PCM1: variants seen among roughly 807,000 people sequenced by gnomAD.
PCM1 encodes the protein pericentriolar material 1.
A neutral mutation model predicts 241.9 loss-of-function variants in PCM1; 157 were observed. That is an observed-to-expected ratio of 0.65 (90% CI 0.57 to 0.74). The LOEUF is 0.74. Ranked by LOEUF, PCM1 falls within the 30% of genes least tolerant of loss-of-function variation. PCM1 has a pLI of 0.00. For missense variants in PCM1, 3,478 were observed against 2,360.1 expected, an observed-to-expected ratio of 1.47 and a Z score of -9.81; for synonymous variants, 1,085 against 784.9, an observed-to-expected ratio of 1.38 and a Z score of -6.39.
At chr8:17,997,609 C>G (rs997243902) in intron 29 of PCM1, among the ~76,000 whole-genome samples, 2 of 152,050 alleles carry the variant, frequency 1.3e-5, no homozygotes, top group African/African-American at 4.8e-5. Context: ...TTAGCTTGAT[C>G]AATTCTATTG....
rs780837586 is a variant in PCM1 at position 17,957,342 on chromosome 8, G to C, written c.1725G>C (p.Gly575=). Residue 575 remains glycine, a synonymous_variant, in exon 12 of 39, where the codon GGG becomes GGC. Coordinates refer to ENST00000325083, the MANE Select transcript of PCM1 (RefSeq NM_006197.4). ...NAQCVSNNRD[G]RTVNSNCEIN... is the part of the protein sequence containing the mutation. ...AGTGTGTTTCTAATAATAGAGATGG[G>C]CGAACAGTTAATTCTAATTGTGAAA... is the stretch of plus-strand genomic sequence containing the variant. 6.2e-7 allele frequency: 1 copy of C among 1,611,294 alleles called. No homozygotes were observed. The highest frequency in any genetic ancestry group is 1.1e-5 in the South Asian group (1 of 91,058).
At position 17,942,651 on chromosome 8, in the gene PCM1, A is replaced by G. The variant is rs192988074; in HGVS notation, c.783+2790A>G. Among the ~76,000 whole-genome samples, 6 of 151,960 alleles carry G rather than the reference A, an allele frequency of 3.9e-5. No individual in the cohort carries two copies. The East Asian group carries it at 9.7e-4, about 25-fold the overall frequency. On this transcript the variant is annotated intron_variant, in intron 6 of 38. Coordinates refer to ENST00000325083, the MANE Select transcript of PCM1 (RefSeq NM_006197.4). Reference sequence around the variant, plus strand: ...TTTTTTAATTTTCCATGATTTGCATAATGGCATTCCAGATAGAGTTAAAGA... The same window carrying G: ...TTTTTTAATTTTCCATGATTTGCATGATGGCATTCCAGATAGAGTTAAAGA...
At chr8:17,947,489 G>C in intron 7 of PCM1, 126 bp downstream of exon 7, 2 of 686,600 alleles carry the variant, frequency 2.9e-6, no homozygotes, top group Non-Finnish European at 2.4e-6. Flanking sequence ...CTTCATATGA[G>C]GCTTATACTT....
At chr8:18,004,640 G>A (rs192282645) in intron 29 of PCM1, among the ~76,000 whole-genome samples, 1 of 152,024 alleles carries the variant, frequency 6.6e-6, no homozygotes, top group African/African-American at 2.4e-5. Flanking sequence ...GACTTTTTTT[G>A]TAGGACTGTA....
chr8:17,924,510 T>C (rs2056104293), intron 1 of PCM1, among the ~76,000 whole-genome samples: 2 of 152,216 alleles, frequency 1.3e-5, no homozygotes, highest in South Asian at 2.1e-4. Flanking sequence ...TTCAGAAGTT[T>C]AGGGGATTTA....
chr8:17,958,074 T>A (rs1457602628), intron 13 of PCM1, among the ~76,000 whole-genome samples: 1 of 152,216 alleles, frequency 6.6e-6, no homozygotes, highest in Non-Finnish European at 1.5e-5. Context: ...CAATATAGCT[T>A]TATTTTATTA....
rs147113961 is a variant in PCM1, at chr8:17,987,733, A to C, written c.4410+1646A>C. On this transcript the variant is annotated intron_variant, in intron 26 of 38. Coordinates refer to ENST00000325083, the MANE Select transcript of PCM1 (RefSeq NM_006197.4). ...CAATATCCAGTGTTGATACTCACAG[A>C]TCTGAAGCAGCAGTGTCCAGTAGAA... 2.4e-4 allele frequency among the ~76,000 whole-genome samples: 37 copies of C among 152,000 alleles called. 1 individual carries two copies. The East Asian group carries it at 7.1e-3, about 29-fold the overall frequency.
chr8:17,929,856 A>T (rs1375944837), intron 2 of PCM1, among the ~76,000 whole-genome samples: 1 of 152,226 alleles, frequency 6.6e-6, no homozygotes, highest in East Asian at 1.9e-4. Flanking sequence ...ATAACTAATA[A>T]GACAGAATAG....
chr8:17,937,914 G>C (rs1001422286), intron 4 of PCM1, among the ~76,000 whole-genome samples: 1 of 152,108 alleles, frequency 6.6e-6, no homozygotes, highest in Middle Eastern at 3.2e-3. Flanking sequence ...ATTCAAGTCT[G>C]ATAATGATGT....
At chr8:17,956,902 T>C in intron 11 of PCM1, 125 bp downstream of exon 11, 1 of 785,808 alleles carries the variant, frequency 1.3e-6, no homozygotes, top group South Asian at 1.8e-5. Flanking sequence ...TCTACTATTT[T>C]GGTCAGTGTA....
chr8:17,938,866 T>C lies in PCM1; in HGVS notation c.469T>C (p.Ser157Pro). Residue 157 changes from serine (S) to proline (P), a missense_variant, in exon 5 of 39, where the codon TCT (serine) becomes CCT (proline). Coordinates refer to ENST00000325083, the MANE Select transcript of PCM1 (RefSeq NM_006197.4). ...QINTNKSKDA[S>P]TNPPNRETIG... ...TAATACTAACAAGAGCAAAGATGCATCTACAAACCCCCCAAACAGAGAAAC... is the reference window on the plus strand; with the variant it reads ...TAATACTAACAAGAGCAAAGATGCACCTACAAACCCCCCAAACAGAGAAAC... The C allele has an allele frequency of 1.9e-6, 3 of 1,613,774 alleles. No homozygotes were observed. Among genetic ancestry groups the C allele is most frequent in the Non-Finnish European group, 2.5e-6 (3 of 1,179,668 alleles).
chr8:17,944,004 A>G (rs2063017507), intron 6 of PCM1, among the ~76,000 whole-genome samples: 1 of 152,198 alleles, frequency 6.6e-6, no homozygotes, highest in African/African-American at 2.4e-5. Context: ...GACATCTTGT[A>G]TAAGATGTCA....
intron 9 of PCM1, among the ~76,000 whole-genome samples, chr8:17,954,270 G>A (rs929862683): frequency 1.3e-5 from 2 of 151,874 alleles, no homozygotes; most frequent in African/African-American, 4.8e-5. Flanking sequence ...TCTACTAAAA[G>A]TACAAAAGTA....
At chr8:17,985,715 A>G (rs1000782076) in intron 25 of PCM1, 96 bp downstream of exon 25, 9 of 975,720 alleles carry the variant, frequency 9.2e-6, no homozygotes, top group Non-Finnish European at 1.2e-5. Flanking sequence ...TGCCATATGA[A>G]TTTTCATCTG....
chr8:17,939,088 C>T (rs1393510773), intron 5 of PCM1, 79 bp downstream of exon 5: 14 of 1,408,284 alleles, frequency 9.9e-6, no homozygotes, highest in South Asian at 2.6e-5. Flanking sequence ...AATTAGGTTA[C>T]GCACACAGGA....
chr8:17,972,833 T>C (rs2077301165), intron 23 of PCM1, 146 bp downstream of exon 23: 3 of 396,140 alleles, frequency 7.6e-6, no homozygotes, highest in East Asian at 7.4e-5. Context: ...GTTACCTTTA[T>C]ATATATAATT....
rs755093672 is a variant in PCM1, at chr8:17,985,964, A to G, written c.4287A>G (p.Ile1429Met). ...GATCTTATTTTCTTATTTAGGACAT[A>G]GTATCCAGACATATTTCTGAGAGCC... ...RQRALYALQD[I>M]VSRHISESHE... is the part of the protein sequence containing the mutation. The change falls in exon 26 of 39, where the codon ATA (isoleucine) becomes ATG (methionine). Residue 1429 changes from isoleucine (I) to methionine (M), a missense_variant. By Grantham distance (10) the Ile-to-Met change is conservative (BLOSUM62 1). Transcript: ENST00000325083. 6.5e-7 allele frequency: 1 copy of G among 1,540,230 alleles called. No homozygotes were observed. The highest frequency in any genetic ancestry group is 2.3e-5 in the East Asian group (1 of 44,112).
At chr8:17,935,567 C>G (rs1420495282) in intron 2 of PCM1, 22 bp from the exon 3 acceptor site, 2 of 820,832 alleles carry the variant, frequency 2.4e-6, no homozygotes, top group Non-Finnish European at 4.2e-6. Context: ...TTATAAAGCT[C>G]AGTTCTTAAC....
At chr8:17,946,087 A>G (rs185223700) in intron 6 of PCM1, among the ~76,000 whole-genome samples, 1 of 151,932 alleles carries the variant, frequency 6.6e-6, no homozygotes, top group Non-Finnish European at 1.5e-5. Flanking sequence ...TTGCTTTTCC[A>G]TTTTCTTGTT....
Sources: gnomAD v4.1 joint callset for allele counts (sites outside exome capture counted in the v4.1 genomes callset) on GRCh38, gnomAD v4.1.1 for gene constraint, MANE v1.5 for transcripts, NCBI Gene and HGNC (gene_info 2026-07-23, HGNC 2026-07-21) for gene names.